LDLRAD4: variants seen among roughly 807,000 people sequenced by gnomAD.
LDLRAD4 encodes the protein low density lipoprotein receptor class A domain containing 4.
Under a neutral mutation model 17.0 loss-of-function variants are expected in LDLRAD4, and 5 were observed. The ratio of observed to expected loss-of-function variants is 0.29; its 90% CI spans 0.15 to 0.62. The LOEUF (loss-of-function observed/expected upper bound fraction) is 0.62. LDLRAD4 is among the 20% of genes least tolerant of loss of function. The pLI is 0.84. For missense variants in LDLRAD4, 340 were observed against 424.7 expected (o/e 0.80, Z 1.75); for synonymous variants, 168 against 171.8 (o/e 0.98, Z 0.17).
chr18:13,331,144 G>A (rs994745980), intron 1 of LDLRAD4, among the ~76,000 whole-genome samples: 2 of 152,212 alleles, frequency 1.3e-5, no homozygotes, highest in East Asian at 3.8e-4. Context: ...TGGGAATCCC[G>A]ATTTATAGCT....
intron 3 of LDLRAD4, among the ~76,000 whole-genome samples, chr18:13,473,631 C>T (rs1275706425): frequency 3.2e-5 from 2 of 63,064 alleles, no homozygotes; most frequent in African/African-American, 1.1e-4. Flanking sequence ...AGTAAGATCC[C>T]ATCTCATATA....
chr18:13,496,862 G>A (rs913117626), intron 3 of LDLRAD4, among the ~76,000 whole-genome samples: 1 of 152,214 alleles, frequency 6.6e-6, no homozygotes, highest in African/African-American at 2.4e-5. Flanking sequence ...AAATCTCAAG[G>A]CAGCCAGCCC....
chr18:13,507,954 G>A (rs1189246766), intron 3 of LDLRAD4, among the ~76,000 whole-genome samples: 1 of 149,268 alleles, frequency 6.7e-6, no homozygotes, highest in African/African-American at 2.6e-5. Context: ...TGAAAGCTAG[G>A]CCTCTCATGC....
intron 3 of LDLRAD4, among the ~76,000 whole-genome samples, chr18:13,504,099 A>C (rs1033754916): frequency 6.6e-6 from 1 of 152,164 alleles, no homozygotes; most frequent in Non-Finnish European, 1.5e-5. Context: ...CTCGCCTTGA[A>C]TCACACAAGT....
intron 1 of LDLRAD4, among the ~76,000 whole-genome samples, chr18:13,285,039 T>C (rs2045538351): frequency 6.6e-6 from 1 of 152,226 alleles, no homozygotes; most frequent in Non-Finnish European, 1.5e-5. Context: ...GGGCGTGGGC[T>C]GCCCTTTCAA....
At position 13,621,291 on chromosome 18, in the gene LDLRAD4, C is replaced by G; in HGVS notation, c.336+20C>G. ...CCGCAGGTGAGTACCCTGGCCGCCC[C>G]GGCTCCAGAGTCAGGCAGCTGCAAG... On this transcript the variant is annotated intron_variant, in intron 4 of 5. Transcript: ENST00000359446. This position sits in a 1 kb window ranked among gnomAD's most constrained non-coding sequence, Gnocchi z 5.5. The G allele has an allele frequency of 1.3e-6, 2 of 1,595,010 alleles. No homozygotes were observed. The highest frequency in any genetic ancestry group is 1.7e-6 in the Non-Finnish European group (2 of 1,167,342).
intron 3 of LDLRAD4, chr18:13,561,461 A>G (rs2094539922): frequency 6.6e-6 from 1 of 152,222 alleles, no homozygotes; most frequent in African/African-American, 2.4e-5. Flanking sequence ...TAAATGAGAT[A>G]ATTAAGAGAT....
chr18:13,640,292 C>CAAAAAAAAAAAA lies in LDLRAD4; in HGVS notation c.337-3060_337-3049dup, dbSNP rs55794457. On this transcript the variant is annotated intron_variant, in intron 4 of 5. Transcript: ENST00000359446. ...TGGGCAACAGAGCGAGATTCCATCT[C>CAAAAAAAAAAAA]AAAAAAAAAAAAAAAAAATGAAATC... Among the ~76,000 whole-genome samples the CAAAAAAAAAAAA allele has an allele frequency of 7.1e-5, 7 of 98,444 alleles. No homozygotes were observed. The East Asian group carries it at 1.7e-3, about 24-fold the overall frequency. 64.6% of individuals were successfully genotyped at this position (98,444 alleles called of 152,430 possible).
intron 3 of LDLRAD4, among the ~76,000 whole-genome samples, chr18:13,608,063 C>T (rs142992597): frequency 0.027 from 4,088 of 151,482 alleles, 105 homozygotes; most frequent in African/African-American, 0.07. Context: ...CTCCCACCAA[C>T]AGTGTAAAAG....
chr18:13,372,950 T>C (rs150993869), intron 1 of LDLRAD4, among the ~76,000 whole-genome samples: 1 of 152,326 alleles, frequency 6.6e-6, no homozygotes, highest in East Asian at 1.9e-4. Context: ...TGGGCTCCAG[T>C]TGCGTCTTCA....
intron 3 of LDLRAD4, among the ~76,000 whole-genome samples, chr18:13,580,138 G>C (rs761872942): frequency 1.3e-5 from 2 of 152,082 alleles, no homozygotes; most frequent in Non-Finnish European, 1.5e-5. Flanking sequence ...TGCTCTTCTT[G>C]CTCCCACTTC....
At chr18:13,281,289 T>C (rs1256490652) in intron 1 of LDLRAD4, among the ~76,000 whole-genome samples, 1 of 152,168 alleles carries the variant, frequency 6.6e-6, no homozygotes, top group East Asian at 1.9e-4. Context: ...CTCAGGAGGC[T>C]GAGGCGGGAG....
At chr18:13,270,609 A>G (rs1283008674) in intron 1 of LDLRAD4, among the ~76,000 whole-genome samples, 3 of 152,194 alleles carry the variant, frequency 2.0e-5, no homozygotes, top group African/African-American at 7.2e-5. Context: ...TTATGCGTAG[A>G]TGATACAGAT....
At chr18:13,612,618 G>A in intron 3 of LDLRAD4, 2 of 1,604,220 alleles carry the variant, frequency 1.2e-6, no homozygotes, top group Non-Finnish European at 1.7e-6. Context: ...GAGCTGCCTG[G>A]AGAGGAGATT....
In LDLRAD4 at chr18:13,411,457, T is replaced by C. The variant is rs576239187; in HGVS notation, c.40+23695T>C. Among the ~76,000 whole-genome samples the C allele has an allele frequency of 7.2e-4, 109 of 152,316 alleles. 1 individual carries two copies. The South Asian group carries it at 0.017, about 24-fold the overall frequency. On this transcript the variant is annotated intron_variant, in intron 2 of 5. Transcript: ENST00000359446. ...GTTTGGCTGTGTCCTTACCCAAATC[T>C]CATCTTGAATTGTAGTTTCCATAAT...
intron 3 of LDLRAD4, among the ~76,000 whole-genome samples, chr18:13,570,015 C>T (rs528793198): frequency 6.6e-6 from 1 of 152,272 alleles, no homozygotes; most frequent in East Asian, 1.9e-4. Flanking sequence ...AATTAAGCTG[C>T]TGGGCTTAGA....
chr18:13,286,057 A>C (rs1049232556), intron 1 of LDLRAD4, among the ~76,000 whole-genome samples: 3 of 152,134 alleles, frequency 2.0e-5, no homozygotes, highest in African/African-American at 7.2e-5. Flanking sequence ...CATTTTCCCA[A>C]ACCAAAACTG....
chr18:13,527,955 C>T (rs1189125706), intron 3 of LDLRAD4, among the ~76,000 whole-genome samples: 1 of 152,190 alleles, frequency 6.6e-6, no homozygotes, highest in Non-Finnish European at 1.5e-5. Flanking sequence ...ACGTCCTGGG[C>T]CAGCTGCCTC....
chr18:13,517,328 T>G (rs7241766), intron 3 of LDLRAD4, among the ~76,000 whole-genome samples: 6 of 152,076 alleles, frequency 3.9e-5, no homozygotes, highest in Non-Finnish European at 8.8e-5. Flanking sequence ...ACACATCTTC[T>G]TTCTCTAACT....
Sources: gnomAD v4.1 joint callset for allele counts (sites outside exome capture counted in the v4.1 genomes callset) on GRCh38, gnomAD v4.1.1 for gene constraint, Gnocchi (gnomAD v3.1) non-coding constraint, MANE v1.5 for transcripts, NCBI Gene and HGNC (gene_info 2026-07-23, HGNC 2026-07-21) for gene names.